TRPM3: variants seen among roughly 807,000 people sequenced by gnomAD.
The protein encoded by TRPM3 is transient receptor potential cation channel subfamily M member 3.
A neutral mutation model predicts 181.2 loss-of-function variants in TRPM3; 77 were observed. The observed-to-expected ratio is 0.42, with a 90% CI of 0.35 to 0.51. The LOEUF is 0.51. Ranked by LOEUF, TRPM3 falls within the 20% of genes least tolerant of loss-of-function variation. TRPM3 has a pLI of 0.01. For missense variants in TRPM3, 1,759 were observed against 2,196.7 expected (o/e 0.80, Z 3.98); for synonymous variants, 745 against 796.4 (o/e 0.94, Z 1.09).
chr9:70,758,540 A>G lies in TRPM3; in HGVS notation c.1272+3061T>C, dbSNP rs151338507. Among the ~76,000 whole-genome samples the G allele has an allele frequency of 6.7e-3, 1,018 of 152,332 alleles. 14 individuals are homozygous for G. The highest frequency in any genetic ancestry group is 0.024 in the African/African-American group (981 of 41,578). On this transcript the variant is annotated intron_variant, in intron 8 of 25. Transcript: ENST00000677713. Reference sequence around the variant, plus strand: ...ATAGCCAAGACAATCCTAAGCAAAAAGAACAAAGCTGGAGGCATCACGCTA... The same window carrying G: ...ATAGCCAAGACAATCCTAAGCAAAAGGAACAAAGCTGGAGGCATCACGCTA...
At chr9:70,698,211 A>G (rs1368700887) in intron 8 of TRPM3, among the ~76,000 whole-genome samples, 1 of 150,420 alleles carries the variant, frequency 6.6e-6, no homozygotes. Flanking sequence ...CTGTCTCAAA[A>G]AAAAAAAAAA....
chr9:71,321,892 A>G (rs972401116), intron 1 of TRPM3, among the ~76,000 whole-genome samples: 3 of 152,150 alleles, frequency 2.0e-5, no homozygotes, highest in Non-Finnish European at 4.4e-5. Flanking sequence ...GTACTTGAGG[A>G]GCCAAAAATA....
intron 1 of TRPM3, among the ~76,000 whole-genome samples, chr9:71,147,207 G>T (rs555732032): frequency 6.6e-6 from 1 of 152,114 alleles, no homozygotes; most frequent in South Asian, 2.1e-4. Context: ...TATTTTCATC[G>T]AGGAGATAGC....
intron 1 of TRPM3, among the ~76,000 whole-genome samples, chr9:70,867,196 G>A (rs1048853641): frequency 1.3e-5 from 2 of 152,028 alleles, no homozygotes; most frequent in South Asian, 2.1e-4. Context: ...AAAGGATGAA[G>A]GTAGGACATT....
chr9:71,420,681 AAGAGAAAGGG>A (rs2093719541), intron 1 of TRPM3, among the ~76,000 whole-genome samples: 1 of 88,840 alleles, frequency 1.1e-5, no homozygotes. Context: ...GAGAGAAAGA[AAGAGAAAGGG>A]AAAGAGAAAG....
At chr9:71,080,722 C>T (rs1270637428) in intron 1 of TRPM3, among the ~76,000 whole-genome samples, 1 of 152,148 alleles carries the variant, frequency 6.6e-6, no homozygotes, top group Non-Finnish European at 1.5e-5. Context: ...TATTCCCATG[C>T]TTGAGGAAGT....
chr9:70,797,151 T>C (rs980020158), intron 6 of TRPM3, among the ~76,000 whole-genome samples: 30 of 152,086 alleles, frequency 2.0e-4, no homozygotes, highest in African/African-American at 7.2e-4. Context: ...AAAAGGTAGA[T>C]AGGTTAAATG....
chr9:70,625,027 A>G lies in TRPM3; in HGVS notation c.1809+164T>C, dbSNP rs2064282600. On this transcript the variant is annotated intron_variant, in intron 14 of 25. Coordinates refer to ENST00000677713, the MANE Select transcript of TRPM3 (RefSeq NM_001366145.2). This position sits in a 1 kb window ranked among gnomAD's most constrained non-coding sequence, Gnocchi z 4.8. ...AAAACTGCTGAGTTTAATAATCTCA[A>G]TGATAAGATTAATTTGAATTTCATT... 1.3e-5 allele frequency among the ~76,000 whole-genome samples: 2 copies of G among 152,234 alleles called. No individual in the cohort carries two copies. The highest frequency in any genetic ancestry group is 2.1e-4 in the South Asian group (1 of 4,826).
intron 1 of TRPM3, among the ~76,000 whole-genome samples, chr9:71,079,764 C>T (rs1350083624): frequency 6.6e-6 from 1 of 152,086 alleles, no homozygotes; most frequent in African/African-American, 2.4e-5. Context: ...TGCAAGTCCT[C>T]TTTCTGGGGT....
chr9:71,069,613 T>C (rs983327777), intron 1 of TRPM3, among the ~76,000 whole-genome samples: 1 of 133,356 alleles, frequency 7.5e-6, no homozygotes, highest in Non-Finnish European at 1.7e-5. Flanking sequence ...TTTTTCTTTT[T>C]TTTTTTTTTT....
Position 71,305,040 on chromosome 9 carries a change from A to C in TRPM3, c.183+141613T>G, listed in dbSNP as rs115349703. 6.6e-3 allele frequency among the ~76,000 whole-genome samples: 999 copies of C among 152,170 alleles called. 13 individuals carry two copies. Among genetic ancestry groups the C allele is most frequent in the African/African-American group, 0.023 (945 of 41,512 alleles). On this transcript the variant is annotated intron_variant, in intron 1 of 24. Coordinates refer to the TRPM3 transcript ENST00000357533. Reference sequence around the variant, plus strand: ...AATACCCCTGTGAGACAGAGATTACACTCCCATTATACAGATAAGAAACTG... The same window carrying C: ...AATACCCCTGTGAGACAGAGATTACCCTCCCATTATACAGATAAGAAACTG...
At chr9:71,392,888 G>C (rs943922303) in intron 1 of TRPM3, among the ~76,000 whole-genome samples, 2 of 152,116 alleles carry the variant, frequency 1.3e-5, no homozygotes, top group Non-Finnish European at 2.9e-5. Flanking sequence ...AAATGTTTTA[G>C]AGTACATGTA....
intron 18 of TRPM3, among the ~76,000 whole-genome samples, chr9:70,615,577 C>T (rs540049203): frequency 1.3e-5 from 2 of 152,330 alleles, no homozygotes; most frequent in African/African-American, 4.8e-5. Context: ...CTTTCCTTCT[C>T]TGTGTGCTGA....
rs540425038 is a variant in TRPM3, at chr9:71,319,897, A to G, written c.183+126756T>C. On this transcript the variant is annotated intron_variant, in intron 1 of 24. Coordinates refer to the TRPM3 transcript ENST00000357533. ...ATTCTTGCTGGTTCCTGAGATACCT[A>G]CAAAGGAAGAATTACAAAATTCTAA... Among the ~76,000 whole-genome samples, 4 of 152,236 alleles carry G rather than the reference A, an allele frequency of 2.6e-5. No homozygotes were observed. In the South Asian group the frequency reaches 8.3e-4, roughly 32 times the overall value.
At chr9:71,325,922 T>C (rs2089650735) in intron 1 of TRPM3, among the ~76,000 whole-genome samples, 1 of 152,164 alleles carries the variant, frequency 6.6e-6, no homozygotes, top group Admixed American at 6.5e-5. Context: ...TTTTACAAAT[T>C]TCTGGGAAGC....
At chr9:71,004,825 T>C (rs1456028216) in intron 1 of TRPM3, among the ~76,000 whole-genome samples, 2 of 151,910 alleles carry the variant, frequency 1.3e-5, no homozygotes, top group Non-Finnish European at 2.9e-5. Context: ...AAGGATACAA[T>C]AAATGAACTC....
intron 21 of TRPM3, among the ~76,000 whole-genome samples, chr9:70,592,836 T>C (rs1031078417): frequency 1.9e-4 from 29 of 152,122 alleles, no homozygotes; most frequent in African/African-American, 7.0e-4. Flanking sequence ...GTTTAAGCAA[T>C]TGTCTGCCTC....
At chr9:70,798,603 A>C (rs2087901850) in intron 6 of TRPM3, among the ~76,000 whole-genome samples, 1 of 152,224 alleles carries the variant, frequency 6.6e-6, no homozygotes, top group African/African-American at 2.4e-5. Context: ...CTCTCAGATA[A>C]CATTCTGGTT....
In TRPM3 at chr9:71,036,012, A is replaced by AT. The variant is rs1463395764; in HGVS notation, c.177+85165dup. On this transcript the variant is annotated intron_variant, in intron 1 of 25. Transcript: ENST00000677713. ...TTTTTTTTTTTTTTTTAATTTTGGG[A>AT]TTTTTTTTTCAGTTGTAGTAAGAAA... is the stretch of plus-strand genomic sequence containing the variant. Among the ~76,000 whole-genome samples the AT allele has an allele frequency of 8.3e-3, 601 of 72,056 alleles. 15 individuals carry two copies. Among genetic ancestry groups the AT allele is most frequent in the Admixed American group, 0.057 (404 of 7,148 alleles). The allele number at this position is 72,056 out of a possible 152,430, so 47.3% of individuals were successfully genotyped here.
Sources: allele counts gnomAD v4.1 joint callset (sites outside exome capture counted in the v4.1 genomes callset), GRCh38; gene constraint gnomAD v4.1.1; non-coding constraint Gnocchi (gnomAD v3.1); transcripts MANE v1.5; gene names NCBI Gene and HGNC (gene_info 2026-07-23, HGNC 2026-07-21).